GPC5: variants seen among roughly 807,000 people sequenced by gnomAD.
The protein encoded by GPC5 is glypican-5.
In GPC5, 47 loss-of-function variants were observed where a neutral mutation model predicts 53.9. That is an observed-to-expected ratio of 0.87 (90% confidence interval 0.69 to 1.11). The LOEUF is 1.11. GPC5 is among the 50% of genes most tolerant of loss of function. GPC5 has a pLI of 0.00. For missense variants in GPC5, 748 were observed against 713.1 expected (o/e 1.05, Z -0.56); for synonymous variants, 286 against 263.3 (o/e 1.09, Z -0.84).
chr13:91,427,904 G>A (rs1232967793), intron 1 of GPC5, among the ~76,000 whole-genome samples: 1 of 152,000 alleles, frequency 6.6e-6, no homozygotes, highest in Non-Finnish European at 1.5e-5. Context: ...TTTTTTAAAT[G>A]GTAGTTTTTC....
intron 7 of GPC5, among the ~76,000 whole-genome samples, chr13:92,461,491 C>A (rs1423368926): frequency 6.6e-6 from 1 of 152,068 alleles, no homozygotes; most frequent in African/African-American, 2.4e-5. Context: ...TAGAAATATC[C>A]ATTTAAACTA....
intron 2 of GPC5, among the ~76,000 whole-genome samples, chr13:91,571,759 A>G (rs979587078): frequency 0.013 from 1,158 of 89,998 alleles, 77 homozygotes; most frequent in Admixed American, 0.084. Context: ...ACACATATAC[A>G]TGTGTATGTG....
At chr13:92,437,582 A>G (rs139194810) in intron 7 of GPC5, among the ~76,000 whole-genome samples, 1 of 152,200 alleles carries the variant, frequency 6.6e-6, no homozygotes, top group Non-Finnish European at 1.5e-5. Flanking sequence ...CATTTCACAC[A>G]GTTGAACTCC....
chr13:91,577,380 T>C (rs1450508344), intron 2 of GPC5, among the ~76,000 whole-genome samples: 4 of 152,168 alleles, frequency 2.6e-5, no homozygotes, highest in African/African-American at 9.7e-5. Context: ...CATTGGTCTT[T>C]CCACCACTTT....
chr13:91,679,660 C>T (rs1177856061), intron 2 of GPC5, among the ~76,000 whole-genome samples: 2 of 152,170 alleles, frequency 1.3e-5, no homozygotes, highest in Admixed American at 6.5e-5. Context: ...TGGCATCAAA[C>T]TGTACTTTTA....
chr13:91,694,149 A>T (rs1046381770), intron 3 of GPC5, among the ~76,000 whole-genome samples: 1 of 152,166 alleles, frequency 6.6e-6, no homozygotes, highest in African/African-American at 2.4e-5. Flanking sequence ...GCCTGCCGGT[A>T]ATTAGCTAAA....
intron 6 of GPC5, among the ~76,000 whole-genome samples, chr13:92,088,799 C>A (rs1363774771): frequency 1.3e-5 from 2 of 152,162 alleles, no homozygotes; most frequent in Non-Finnish European, 2.9e-5. Context: ...CACTGTATTT[C>A]AGTCATGGTC....
intron 6 of GPC5, among the ~76,000 whole-genome samples, chr13:92,094,738 T>C (rs1351521045): frequency 6.6e-6 from 1 of 150,614 alleles, no homozygotes; most frequent in African/African-American, 2.4e-5. Context: ...TCCTAATTTG[T>C]CTTTTTTGTA....
chr13:92,075,997 T>C (rs1327593167), intron 6 of GPC5, among the ~76,000 whole-genome samples: 1 of 152,220 alleles, frequency 6.6e-6, no homozygotes, highest in Admixed American at 6.5e-5. Context: ...AAATTAATTT[T>C]AAAACTTAAA....
chr13:92,598,572 T>C (rs1883949774), intron 7 of GPC5, among the ~76,000 whole-genome samples: 1 of 152,150 alleles, frequency 6.6e-6, no homozygotes, highest in Non-Finnish European at 1.5e-5. Context: ...TAGTAAAAAA[T>C]AAAGGCAAGT....
chr13:92,636,219 G>C (rs1009756632), intron 7 of GPC5, among the ~76,000 whole-genome samples: 1 of 152,040 alleles, frequency 6.6e-6, no homozygotes, highest in African/African-American at 2.4e-5. Flanking sequence ...AAGAAATCAA[G>C]TTATAAAAAT....
At chr13:91,439,343 A>G (rs186581311) in intron 1 of GPC5, among the ~76,000 whole-genome samples, 2 of 152,392 alleles carry the variant, frequency 1.3e-5, no homozygotes, top group African/African-American at 2.4e-5. Flanking sequence ...GAGAAAAAAA[A>G]GAATTATCTA....
intron 7 of GPC5, among the ~76,000 whole-genome samples, chr13:92,479,574 G>A (rs574033657): frequency 6.6e-6 from 1 of 152,264 alleles, no homozygotes; most frequent in East Asian, 1.9e-4. Flanking sequence ...CTGGAGTACA[G>A]CTGCAGACAT....
chr13:92,302,719 T>C (rs767267596), intron 7 of GPC5, among the ~76,000 whole-genome samples: 2 of 152,230 alleles, frequency 1.3e-5, no homozygotes, highest in Non-Finnish European at 2.9e-5. Flanking sequence ...TTATGCTGTG[T>C]AACATCACCT....
At chr13:91,705,878 C>CTT (rs2036091021) in intron 3 of GPC5, among the ~76,000 whole-genome samples, 3 of 137,580 alleles carry the variant, frequency 2.2e-5, no homozygotes, top group African/African-American at 3.0e-5. Flanking sequence ...TTTTTTCTTT[C>CTT]TTTTCTTTTT....
At chr13:92,231,163 C>T (rs2042527157) in intron 7 of GPC5, among the ~76,000 whole-genome samples, 1 of 152,132 alleles carries the variant, frequency 6.6e-6, no homozygotes, top group Admixed American at 6.5e-5. Context: ...GGATTTAAAA[C>T]AGATTCTCAG....
intron 7 of GPC5, among the ~76,000 whole-genome samples, chr13:92,642,642 C>A (rs1423390129): frequency 6.6e-6 from 1 of 152,200 alleles, no homozygotes; most frequent in Admixed American, 6.5e-5. Flanking sequence ...ATGTTTTACC[C>A]AGCCCTTGAG....
intron 7 of GPC5, among the ~76,000 whole-genome samples, chr13:92,173,426 C>T (rs1028801994): frequency 6.6e-6 from 1 of 152,272 alleles, no homozygotes; most frequent in South Asian, 2.1e-4. Context: ...TGCCATATTG[C>T]TTTTGTACAT....
At chr13:91,424,361 CTTTTTT>C (rs781733611) in intron 1 of GPC5, among the ~76,000 whole-genome samples, 8 of 113,448 alleles carry the variant, frequency 7.1e-5, no homozygotes, top group Non-Finnish European at 1.4e-4. Flanking sequence ...TCCAGTACTG[CTTTTTT>C]TTTTTTTTTT....
Sources: allele counts gnomAD v4.1 joint callset (sites outside exome capture counted in the v4.1 genomes callset), GRCh38; gene constraint gnomAD v4.1.1; transcripts MANE v1.5; gene names NCBI Gene and HGNC (gene_info 2026-07-23, HGNC 2026-07-21).